Variants in NRDC observed in about 807,000 individuals in gnomAD.
NRDC encodes the protein nardilysin.
Under a neutral mutation model 147.1 loss-of-function variants are expected in NRDC, and 54 were observed. That is an observed-to-expected ratio of 0.37 (90% confidence interval 0.29 to 0.46). The LOEUF (loss-of-function observed/expected upper bound fraction) is 0.46, where lower values mean the gene tolerates loss of function less well. Among genes scored for constraint, NRDC ranks in the 20% least tolerant of loss-of-function variants. The pLI, the probability that NRDC is intolerant of heterozygous loss-of-function variation, is 1.00. For synonymous variants in NRDC, 440 were observed against 482.1 expected (o/e 0.91, Z 1.14); for missense variants, 1,082 against 1,370.6 (o/e 0.79, Z 3.33).
intron 3 of NRDC, among the ~76,000 whole-genome samples, chr1:51,834,616 C>T (rs753901077): frequency 6.6e-6 from 1 of 152,004 alleles, no homozygotes; most frequent in African/African-American, 2.4e-5. Flanking sequence ...ACACCTGACC[C>T]TAAATAATAC....
intron 16 of NRDC, among the ~76,000 whole-genome samples, chr1:51,809,839 A>T (rs1679631508): frequency 6.6e-6 from 1 of 152,076 alleles, no homozygotes; most frequent in South Asian, 2.1e-4. Flanking sequence ...GGGGCAAAAG[A>T]AGTTGCAGTG....
chr1:51,818,048 T>C lies in NRDC; in HGVS notation c.1361+18A>G. 1 of 1,593,920 alleles carries C rather than the reference T, an allele frequency of 6.3e-7. No individual in the cohort carries two copies. Among genetic ancestry groups the C allele is most frequent in the Non-Finnish European group, 8.6e-7 (1 of 1,167,392 alleles). On this transcript the variant is annotated intron_variant, in intron 10 of 30. Transcript: ENST00000352171. The stretch of plus-strand genomic sequence containing the variant: ...CTCACTTGGTTCTAATGAAGTAAAT[T>C]TTCCCTTAAACTCTTACCTGTAATG...
At chr1:51,845,147 C>T (rs1477782004) in intron 1 of NRDC, among the ~76,000 whole-genome samples, 2 of 152,180 alleles carry the variant, frequency 1.3e-5, no homozygotes, top group Non-Finnish European at 2.9e-5. Context: ...TCTGTTTGCT[C>T]TAAACAAATG....
intron 1 of NRDC, 94 bp from the exon 2 acceptor site, chr1:51,840,608 CAAGTAA>C: frequency 1.2e-6 from 1 of 864,480 alleles, no homozygotes; most frequent in Non-Finnish European, 1.8e-6. Context: ...AAAAAGAATC[CAAGTAA>C]AAGTACAAAC....
At chr1:51,818,395 T>C (rs1219975426) in intron 9 of NRDC, among the ~76,000 whole-genome samples, 1 of 152,234 alleles carries the variant, frequency 6.6e-6, no homozygotes, top group Non-Finnish European at 1.5e-5. Flanking sequence ...TATGGATCTC[T>C]TCTTGCAAGA....
chr1:51,789,347 C>G lies in NRDC; in HGVS notation c.3345G>C (p.Leu1115=), dbSNP rs1293281446. Reference sequence around the variant, plus strand: ...GCAGAGGAGAGGTTGGCAGGTAGGTCAGCTGCATCACTTCACAAGAAGAAT... The same window carrying G: ...GCAGAGGAGAGGTTGGCAGGTAGGTGAGCTGCATCACTTCACAAGAAGAAT... ...DSNSSCEVMQ[L]TYLPTSPLLA... is the part of the protein sequence containing the mutation. Residue 1115 remains leucine, a synonymous_variant, in exon 31 of 31, where the codon CTG becomes CTC. Coordinates refer to ENST00000352171, the MANE Select transcript of NRDC (RefSeq NM_001101662.2). 1 of 1,613,998 alleles carries G rather than the reference C, an allele frequency of 6.2e-7. No homozygotes were observed. Among genetic ancestry groups the G allele is most frequent in the African/African-American group, 1.3e-5 (1 of 74,912 alleles).
intron 1 of NRDC, among the ~76,000 whole-genome samples, chr1:51,846,465 T>C (rs1283428458): frequency 2.0e-5 from 3 of 152,348 alleles, no homozygotes; most frequent in Middle Eastern, 3.4e-3. Flanking sequence ...CTGGAATTGT[T>C]GGGTTCTTGG....
chr1:51,876,280 C>T (rs1683322481), intron 1 of NRDC, among the ~76,000 whole-genome samples: 1 of 152,094 alleles, frequency 6.6e-6, no homozygotes, highest in East Asian at 1.9e-4. Context: ...GTTGAGTATC[C>T]TTTATCCGAA....
chr1:51,807,152 G>A (rs1679506100), intron 17 of NRDC, among the ~76,000 whole-genome samples: 2 of 152,164 alleles, frequency 1.3e-5, no homozygotes, highest in Non-Finnish European at 2.9e-5. Context: ...TACACATTCT[G>A]CTTCATTCCC....
intron 1 of NRDC, among the ~76,000 whole-genome samples, chr1:51,867,450 T>G (rs1237305652): frequency 6.6e-6 from 1 of 152,102 alleles, no homozygotes; most frequent in Non-Finnish European, 1.5e-5. Flanking sequence ...AAAACAAAAT[T>G]TATTTTATAC....
At chr1:51,837,854 A>C (rs1681062541) in intron 2 of NRDC, among the ~76,000 whole-genome samples, 2 of 152,230 alleles carry the variant, frequency 1.3e-5, no homozygotes, top group Admixed American at 6.5e-5. Flanking sequence ...TTAACTTCTT[A>C]ATTAGGTAAA....
rs1274869293 is a variant in NRDC at position 51,818,784 on chromosome 1, G to GA, written c.1292-650dup. Among the ~76,000 whole-genome samples, 17 of 150,604 alleles carry GA rather than the reference G, an allele frequency of 1.1e-4. No individual in the cohort carries two copies. In the South Asian group the frequency reaches 1.3e-3, roughly 11 times the overall value. ...ATACCTAAGGCAATTAGTAAAAACA[G>GA]AAAAAAAAATCTGCCGTGATAGAAT... On this transcript the variant is annotated intron_variant, in intron 9 of 30. Transcript: ENST00000352171.
At chr1:51,808,276 ACTCC>A in intron 17 of NRDC, among the ~76,000 whole-genome samples, 1 of 152,042 alleles carries the variant, frequency 6.6e-6, no homozygotes, top group East Asian at 1.9e-4. Flanking sequence ...GAAACCCCCT[ACTCC>A]TTAAGAGACT....
chr1:51,807,552 T>TAA, intron 17 of NRDC, among the ~76,000 whole-genome samples: 1 of 151,758 alleles, frequency 6.6e-6, no homozygotes, highest in Admixed American at 6.6e-5. Flanking sequence ...AGAAACAAAT[T>TAA]AAAAATTAGC....
At position 51,877,523 on chromosome 1, in the gene NRDC, A is replaced by G. The variant is rs549609570; in HGVS notation, c.341+752T>C. 4.6e-5 allele frequency among the ~76,000 whole-genome samples: 7 copies of G among 151,890 alleles called. No individual in the cohort carries two copies. The East Asian group carries it at 1.4e-3, about 30-fold the overall frequency. On this transcript the variant is annotated intron_variant, in intron 1 of 30. Coordinates refer to ENST00000352171, the MANE Select transcript of NRDC (RefSeq NM_001101662.2). ...TTAAAACACACACGCACACACACAC[A>G]CGCAAGATACATCATAGTCATGATA...
Position 51,853,240 on chromosome 1 carries a change from T to TA in NRDC, c.342-12727_342-12726insT, listed in dbSNP as rs1312565743. ...CCAAAAAAAAATATATATATATATA[T>TA]TATATAAAAGAATTCCTTTATTTTG... On this transcript the variant is annotated intron_variant, in intron 1 of 30. Coordinates refer to ENST00000352171, the MANE Select transcript of NRDC (RefSeq NM_001101662.2). 3.3e-3 allele frequency among the ~76,000 whole-genome samples: 498 copies of TA among 150,328 alleles called. 2 individuals carry two copies. Among genetic ancestry groups the TA allele is most frequent in the African/African-American group, 0.012 (482 of 41,074 alleles).
intron 1 of NRDC, among the ~76,000 whole-genome samples, chr1:51,850,727 C>CTGA (rs1681906867): frequency 1.3e-5 from 2 of 152,180 alleles, no homozygotes; most frequent in Admixed American, 1.3e-4. Context: ...GGCACACAGA[C>CTGA]CTCAGATAAG....
intron 4 of NRDC, among the ~76,000 whole-genome samples, chr1:51,828,115 C>A (rs1680525784): frequency 6.6e-6 from 1 of 152,232 alleles, no homozygotes; most frequent in Admixed American, 6.5e-5. Context: ...ATAAACTACA[C>A]CTGAGTGGCC....
At chr1:51,797,353 C>T (rs1211333781) in intron 22 of NRDC, among the ~76,000 whole-genome samples, 1 of 152,250 alleles carries the variant, frequency 6.6e-6, no homozygotes, top group South Asian at 2.1e-4. Context: ...TACTGGAAAC[C>T]ACCATTATAT....
Sources: gnomAD v4.1 joint callset for allele counts (sites outside exome capture counted in the v4.1 genomes callset) on GRCh38, gnomAD v4.1.1 for gene constraint, MANE v1.5 for transcripts, NCBI Gene and HGNC (gene_info 2026-07-23, HGNC 2026-07-21) for gene names.